Variants in ARHGEF4 observed in about 807,000 individuals in gnomAD.
The protein encoded by ARHGEF4 is APC-stimulated guanine nucleotide exchange factor 1.
A neutral mutation model predicts 162.0 loss-of-function variants in ARHGEF4; 119 were observed. That is an observed-to-expected ratio of 0.73 (90% CI 0.63 to 0.86). The LOEUF is 0.86. Among genes scored for constraint, ARHGEF4 ranks in the 40% least tolerant of loss-of-function variants. ARHGEF4 has a pLI of 0.00. For missense variants in ARHGEF4, 2,488 were observed against 2,456.0 expected (o/e 1.01, Z -0.28); for synonymous variants, 1,014 against 979.9 (o/e 1.03, Z -0.65).
intron 4 of ARHGEF4, among the ~76,000 whole-genome samples, chr2:130,948,459 C>G (rs1052157648): frequency 6.6e-6 from 1 of 152,188 alleles, no homozygotes; most frequent in African/African-American, 2.4e-5. Flanking sequence ...GTGGAAGGGA[C>G]AGTAACCAGG....
rs1016876530 is a variant in ARHGEF4 at position 131,046,256 on chromosome 2, G to A, written c.*67G>A. ...GTGGCCCCCAGTTTTTCTTCCCCGA[G>A]GCCCACTCGGCCTGGCCTTCCTCTG... On this transcript the variant is annotated 3_prime_UTR_variant, in exon 14 of 14. Coordinates refer to ENST00000409359, the MANE Select transcript of ARHGEF4 (RefSeq NM_001367493.1). 4 of 1,497,000 alleles carry A rather than the reference G, an allele frequency of 2.7e-6. No homozygotes were observed. In the Admixed American group the frequency reaches 5.9e-5, roughly 22 times the overall value. The allele number at this position is 1,497,000 out of a possible 1,614,324, so 92.7% of individuals were successfully genotyped here. A position where few individuals can be genotyped will look rare whatever the true frequency, so the allele number is the denominator to read the frequency against.
At chr2:130,922,923 GAT>G (rs60528259) in intron 2 of ARHGEF4, among the ~76,000 whole-genome samples, 7 of 145,534 alleles carry the variant, frequency 4.8e-5, no homozygotes, top group African/African-American at 9.9e-5. Context: ...CCTCTTTAAT[GAT>G]ATATATATAT....
Position 131,045,462 on chromosome 2 carries a change from C to G in ARHGEF4, c.5479+16C>G, listed in dbSNP as rs1379103110. 8.7e-6 allele frequency: 14 copies of G among 1,613,454 alleles called. No individual in the cohort carries two copies. The highest frequency in any genetic ancestry group is 1.2e-5 in the Non-Finnish European group (14 of 1,179,996). On this transcript the variant is annotated intron_variant, in intron 13 of 13. Coordinates refer to ENST00000409359, the MANE Select transcript of ARHGEF4 (RefSeq NM_001367493.1). ...AAGCCCAAAGGTAGGCGGACAGCAG[C>G]CCCACCTCCTCGGCTGCCCGGTCCT... is the stretch of plus-strand genomic sequence containing the variant.
At chr2:130,910,733 A>AT (rs755769267) in intron 1 of ARHGEF4, among the ~76,000 whole-genome samples, 1 of 152,216 alleles carries the variant, frequency 6.6e-6, no homozygotes, top group Non-Finnish European at 1.5e-5. Flanking sequence ...ACCTTGTACT[A>AT]TGTCATAAAG....
Position 131,046,045 on chromosome 2 carries a change from C to T in ARHGEF4, c.5487C>T (p.Gly1829=). ...CTGTCTCTCCCTGTTCAGCTGTTGG[C>T]CGGCCCTGCTACCTGACGCGCCAGA... ...QQVTGKPKAV[G]RPCYLTRQKH... Residue 1829 remains glycine (G), a synonymous_variant, in exon 14 of 14, where the codon GGC becomes GGT. Transcript: ENST00000409359. 6.2e-7 allele frequency: 1 copy of T among 1,610,544 alleles called. No individual in the cohort carries two copies.
rs1678574948 is a variant in ARHGEF4, at chr2:130,872,779, T to G, written c.39+35787T>G. 2.0e-5 allele frequency among the ~76,000 whole-genome samples: 3 copies of G among 152,050 alleles called. No individual in the cohort carries two copies. In the South Asian group the frequency reaches 6.2e-4, roughly 32 times the overall value. On this transcript the variant is annotated intron_variant, in intron 1 of 13. Coordinates refer to ENST00000409359, the MANE Select transcript of ARHGEF4 (RefSeq NM_001367493.1). ...GAGAAGAATGGGCCAGGACACAAAC[T>G]CCGTATGTGTCAGCTGGGAGCAGCA...
At chr2:130,948,993 A>G (rs146109223) in intron 4 of ARHGEF4, among the ~76,000 whole-genome samples, 353 of 152,274 alleles carry the variant, frequency 2.3e-3, no homozygotes, top group Non-Finnish European at 4.1e-3. Context: ...TGTAGAGATT[A>G]TATTTCTAGT....
Position 131,028,156 on chromosome 2 carries a change from C to T in ARHGEF4, c.4125+72C>T. 1 of 1,569,534 alleles carries T rather than the reference C, an allele frequency of 6.4e-7. No individual in the cohort carries two copies. Among genetic ancestry groups the T allele is most frequent in the South Asian group, 1.2e-5 (1 of 85,108 alleles). On this transcript the variant is annotated intron_variant, in intron 5 of 13. Coordinates refer to ENST00000409359, the MANE Select transcript of ARHGEF4 (RefSeq NM_001367493.1). ...CAGGCTAGATTCCAGCACGCTAATG[C>T]AGGCCAGATGCCCACAGTCCACGTT...
At chr2:131,009,926 CTT>C (rs1356547186) in intron 4 of ARHGEF4, among the ~76,000 whole-genome samples, 1 of 152,160 alleles carries the variant, frequency 6.6e-6, no homozygotes, top group Non-Finnish European at 1.5e-5. Flanking sequence ...AGTTTACAGT[CTT>C]TGGATTCTGT....
intron 3 of ARHGEF4, among the ~76,000 whole-genome samples, chr2:130,936,063 C>T (rs1682926382): frequency 6.6e-6 from 1 of 151,310 alleles, no homozygotes; most frequent in Middle Eastern, 3.2e-3. Context: ...GAAACTCCAC[C>T]TCAAAAAAAA....
At position 130,988,899 on chromosome 2, in the gene ARHGEF4, T is replaced by TAGAGAG. The variant is rs1174212061; in HGVS notation, c.3986-39045_3986-39044insGAGAGA. ...ATATATATATATATATATATATATATATAGAGAGAGAGAGAGAGAGAGAGA... is the reference window on the plus strand; with the variant it reads ...ATATATATATATATATATATATATATAGAGAGATAGAGAGAGAGAGAGAGAGAGAGA... On this transcript the variant is annotated intron_variant, in intron 4 of 13. Transcript: ENST00000409359. Among the ~76,000 whole-genome samples, 534 of 112,982 alleles carry TAGAGAG rather than the reference T, an allele frequency of 4.7e-3. 1 individual carries two copies. Among genetic ancestry groups the TAGAGAG allele is most frequent in the Middle Eastern group, 0.013 (3 of 228 alleles). The allele number at this position is 112,982 out of a possible 152,430, so 74.1% of individuals were successfully genotyped here. A position where few individuals can be genotyped will look rare whatever the true frequency, so the allele number is the denominator to read the frequency against.
At chr2:131,016,873 C>T (rs1688805516) in intron 4 of ARHGEF4, among the ~76,000 whole-genome samples, 1 of 152,200 alleles carries the variant, frequency 6.6e-6, no homozygotes, top group Admixed American at 6.5e-5. Context: ...GACATTCCTC[C>T]ACCTCTCTCC....
chr2:130,898,306 C>A (rs1187515755), intron 1 of ARHGEF4, among the ~76,000 whole-genome samples: 2 of 152,196 alleles, frequency 1.3e-5, no homozygotes, highest in East Asian at 3.8e-4. Context: ...CATTTCAAAT[C>A]CTGCACTCAG....
At chr2:130,960,278 C>T (rs1031698721) in intron 4 of ARHGEF4, among the ~76,000 whole-genome samples, 3 of 152,144 alleles carry the variant, frequency 2.0e-5, no homozygotes, top group Non-Finnish European at 4.4e-5. Context: ...TGTTAAGTCC[C>T]TTATACAAGT....
chr2:130,955,176 C>A (rs1455349560), intron 4 of ARHGEF4, among the ~76,000 whole-genome samples: 1 of 152,192 alleles, frequency 6.6e-6, no homozygotes, highest in African/African-American at 2.4e-5. Context: ...TGGTGAGACA[C>A]TGTCATCACA....
intron 1 of ARHGEF4, among the ~76,000 whole-genome samples, chr2:130,907,237 G>T: frequency 7.5e-5 from 1 of 13,312 alleles, no homozygotes; most frequent in Non-Finnish European, 2.8e-4. Flanking sequence ...TTTTGAGACA[G>T]AGTCTCGCTC....
At chr2:130,968,107 C>G (rs1476816415) in intron 4 of ARHGEF4, among the ~76,000 whole-genome samples, 3 of 152,210 alleles carry the variant, frequency 2.0e-5, no homozygotes, top group Non-Finnish European at 2.9e-5. Context: ...CCCCCACCCC[C>G]CAACCATAAA....
chr2:131,014,867 G>A (rs865780722), intron 4 of ARHGEF4, among the ~76,000 whole-genome samples: 3 of 152,124 alleles, frequency 2.0e-5, no homozygotes, highest in African/African-American at 7.2e-5. Flanking sequence ...CAGCAAGGGG[G>A]TCCTCCTTGT....
chr2:130,928,944 A>C (rs1435487711), intron 2 of ARHGEF4, among the ~76,000 whole-genome samples: 1 of 152,082 alleles, frequency 6.6e-6, no homozygotes, highest in Non-Finnish European at 1.5e-5. Context: ...TAATTCTCAG[A>C]CTAGCTTTGC....
Sources: gnomAD v4.1 joint callset for allele counts (sites outside exome capture counted in the v4.1 genomes callset) on GRCh38, gnomAD v4.1.1 for gene constraint, MANE v1.5 for transcripts, NCBI Gene and HGNC (gene_info 2026-07-23, HGNC 2026-07-21) for gene names.